VAV3: variants seen among roughly 807,000 people sequenced by gnomAD.
The protein encoded by VAV3 is vav guanine nucleotide exchange factor 3, also known as guanine nucleotide exchange factor VAV3.
VAV3 carries 94 observed loss-of-function variants against 131.2 expected under a neutral mutation model. The ratio of observed to expected loss-of-function variants is 0.72; its 90% CI spans 0.61 to 0.85. The LOEUF is 0.85. Ranked by LOEUF, VAV3 falls within the 40% of genes least tolerant of loss-of-function variation. The probability of loss-of-function intolerance (pLI) is 0.00; values close to 1 mark genes in which losing one functional copy is unlikely to be tolerated. For synonymous variants in VAV3, 349 were observed against 342.0 expected (o/e 1.02, Z -0.22); for missense variants, 939 against 1,002.7 (o/e 0.94, Z 0.86).
intron 10 of VAV3, among the ~76,000 whole-genome samples, chr1:107,758,899 A>AT (rs966234609): frequency 3.3e-5 from 5 of 152,112 alleles, no homozygotes; most frequent in African/African-American, 9.7e-5. Context: ...TAGAAATATT[A>AT]TTTTTTCTGC....
intron 18 of VAV3, among the ~76,000 whole-genome samples, chr1:107,685,336 GA>G (rs1194903250): frequency 6.6e-6 from 1 of 152,172 alleles, no homozygotes; most frequent in African/African-American, 2.4e-5. Flanking sequence ...ATAAAATGGA[GA>G]TAATACTAGC....
At chr1:107,740,186 C>G (rs77692340) in intron 15 of VAV3, among the ~76,000 whole-genome samples, 1 of 151,950 alleles carries the variant, frequency 6.6e-6, no homozygotes, top group Admixed American at 6.6e-5. Context: ...ACTCAGGAGG[C>G]TGAGGCAGGA....
At position 107,704,947 on chromosome 1, in the gene VAV3, T is replaced by C; in HGVS notation, c.1604+13A>G. The C allele has an allele frequency of 6.2e-7, 1 of 1,609,946 alleles. No homozygotes were observed. Among genetic ancestry groups the C allele is most frequent in the Non-Finnish European group, 8.5e-7 (1 of 1,176,520 alleles). ...GTTCCTTTAAACTGAAAACCAGGAC[T>C]GAGCAGGCTTACCTCAGGAGCATCT... is the stretch of plus-strand genomic sequence containing the variant. On this transcript the variant is annotated intron_variant, in intron 16 of 26. Transcript: ENST00000370056.
At chr1:107,621,089 A>T (rs201836582) in intron 20 of VAV3, among the ~76,000 whole-genome samples, 5 of 147,416 alleles carry the variant, frequency 3.4e-5, no homozygotes, top group East Asian at 2.0e-4. Flanking sequence ...ATCAAAACTC[A>T]TTTTTTTTTT....
chr1:107,748,783 C>T (rs774450823), intron 15 of VAV3, among the ~76,000 whole-genome samples, 185 bp downstream of exon 15: 1 of 152,178 alleles, frequency 6.6e-6, no homozygotes, highest in Non-Finnish European at 1.5e-5. Flanking sequence ...AAACTCCTCT[C>T]CTAGGAGACC....
chr1:107,574,497 A>T (rs1649480016), intron 25 of VAV3, among the ~76,000 whole-genome samples: 1 of 152,244 alleles, frequency 6.6e-6, no homozygotes, highest in African/African-American at 2.4e-5. Flanking sequence ...CAAAAAAACA[A>T]ATTAAAAAAA....
chr1:107,897,777 G>C (rs1264239111), intron 1 of VAV3, among the ~76,000 whole-genome samples: 1 of 152,084 alleles, frequency 6.6e-6, no homozygotes, highest in African/African-American at 2.4e-5. Flanking sequence ...CTTCATGTAT[G>C]GTGCTAGAAT....
intron 19 of VAV3, among the ~76,000 whole-genome samples, chr1:107,682,102 T>C (rs140495050): frequency 6.6e-6 from 1 of 151,722 alleles, no homozygotes; most frequent in African/African-American, 2.4e-5. Flanking sequence ...GATAAAGGAG[T>C]ATAAATCTGT....
chr1:107,615,648 A>T (rs950702978), intron 21 of VAV3, among the ~76,000 whole-genome samples: 1 of 152,184 alleles, frequency 6.6e-6, no homozygotes, highest in African/African-American at 2.4e-5. Flanking sequence ...AACTATCAAG[A>T]GAGTAAACAG....
intron 1 of VAV3, among the ~76,000 whole-genome samples, chr1:107,945,771 G>A (rs767857872): frequency 1.1e-4 from 16 of 145,472 alleles, no homozygotes; most frequent in South Asian, 2.2e-4. Context: ...GCAGTGAATC[G>A]AGATCGCGCC....
chr1:107,651,505 A>AT (rs200060988), intron 19 of VAV3, among the ~76,000 whole-genome samples: 2,219 of 59,790 alleles, frequency 0.037, 60 homozygotes, highest in African/African-American at 0.11. Context: ...TTATTTATTT[A>AT]TTTTTTTTCA....
intron 2 of VAV3, among the ~76,000 whole-genome samples, chr1:107,849,975 C>G (rs1669145802): frequency 6.6e-6 from 1 of 152,164 alleles, no homozygotes; most frequent in Non-Finnish European, 1.5e-5. Flanking sequence ...TGAAGAAAAG[C>G]TGATCATCAC....
chr1:107,759,545 T>C (rs1664301804), intron 10 of VAV3, among the ~76,000 whole-genome samples: 2 of 152,142 alleles, frequency 1.3e-5, no homozygotes, highest in South Asian at 2.1e-4. Context: ...CCATAGAATT[T>C]TGAGAGGGAA....
At chr1:107,591,579 A>C (rs1332846251) in intron 25 of VAV3, among the ~76,000 whole-genome samples, 2 of 152,170 alleles carry the variant, frequency 1.3e-5, no homozygotes, top group East Asian at 3.9e-4. Context: ...TGAAGCAGGC[A>C]AAAGAAGGAC....
chr1:107,749,745 A>T (rs1271099566), intron 13 of VAV3, 151 bp from the exon 14 acceptor site: 13 of 868,960 alleles, frequency 1.5e-5, no homozygotes, highest in Non-Finnish European at 2.2e-5. Flanking sequence ...ATTTGAGGTT[A>T]TAAGAACTGT....
At chr1:107,638,659 G>C (rs1014689218) in intron 20 of VAV3, among the ~76,000 whole-genome samples, 1 of 151,988 alleles carries the variant, frequency 6.6e-6, no homozygotes, top group African/African-American at 2.4e-5. Flanking sequence ...CTTTTTTATT[G>C]GTGAAGTTGA....
chr1:107,730,597 G>C (rs1366414376), intron 15 of VAV3, among the ~76,000 whole-genome samples: 2 of 152,138 alleles, frequency 1.3e-5, no homozygotes, highest in Non-Finnish European at 2.9e-5. Flanking sequence ...GGTTTACTTT[G>C]CTCTAAGGAA....
chr1:107,732,299 G>A (rs538661959), intron 15 of VAV3, among the ~76,000 whole-genome samples: 55 of 152,322 alleles, frequency 3.6e-4, no homozygotes, highest in Admixed American at 1.0e-3. Context: ...CGTGACTGAC[G>A]CAGAAGACGG....
intron 20 of VAV3, among the ~76,000 whole-genome samples, chr1:107,640,215 T>A (rs1042810475): frequency 3.3e-5 from 5 of 152,164 alleles, no homozygotes; most frequent in African/African-American, 1.2e-4. Context: ...AGTGGCAACC[T>A]GAAAGTCCAT....
Sources: allele counts gnomAD v4.1 joint callset (sites outside exome capture counted in the v4.1 genomes callset), GRCh38; gene constraint gnomAD v4.1.1; transcripts MANE v1.5; gene names NCBI Gene and HGNC (gene_info 2026-07-23, HGNC 2026-07-21).